ANKRD36C: variants seen among roughly 807,000 people sequenced by gnomAD.
ANKRD36C encodes the protein ankyrin repeat domain 36C.
Under a neutral mutation model 276.4 loss-of-function variants are expected in ANKRD36C, and 61 were observed. That is an observed-to-expected ratio of 0.22 (90% CI 0.18 to 0.27). The LOEUF is 0.27. Among genes scored for constraint, ANKRD36C ranks in the 10% least tolerant of loss-of-function variants. The probability of loss-of-function intolerance (pLI) is 1.00; values close to 1 mark genes in which losing one functional copy is unlikely to be tolerated. For missense variants in ANKRD36C, 1,447 were observed against 2,032.3 expected (o/e 0.71, Z 5.54); for synonymous variants, 483 against 680.1 (o/e 0.71, Z 4.51).
At chr2:95,938,512 C>G (rs1039660451) in intron 22 of ANKRD36C, among the ~76,000 whole-genome samples, 1 of 152,040 alleles carries the variant, frequency 6.6e-6, no homozygotes, top group Non-Finnish European at 1.5e-5. Flanking sequence ...GTATTGCAAT[C>G]AATTTTGAAG....
intron 44 of ANKRD36C, among the ~76,000 whole-genome samples, chr2:95,892,882 G>C (rs1676416090): frequency 6.6e-6 from 1 of 151,246 alleles, no homozygotes; most frequent in East Asian, 2.0e-4. Flanking sequence ...GTAACAAAGA[G>C]GAGTAATGAG....
chr2:95,948,377 C>G (rs75035470), intron 17 of ANKRD36C, among the ~76,000 whole-genome samples, 153 bp downstream of exon 17: 4,819 of 91,880 alleles, frequency 0.052, no homozygotes, highest in Non-Finnish European at 0.06. Context: ...TTAAAATTAA[C>G]CCCCCCTATT....
chr2:95,960,770 T>C lies in ANKRD36C; in HGVS notation c.902-103A>G. On this transcript the variant is annotated intron_variant, in intron 8 of 66. Transcript: ENST00000456556. ...TCAAGCTGTATCCTCCTGCCTGAATTAGCATAGGCTTTGATGTTTTCTACT... is the reference window on the plus strand; with the variant it reads ...TCAAGCTGTATCCTCCTGCCTGAATCAGCATAGGCTTTGATGTTTTCTACT... 12 of 587,972 alleles carry C rather than the reference T, an allele frequency of 2.0e-5. No individual in the cohort carries two copies. The South Asian group carries it at 2.5e-4, about 12-fold the overall frequency. The allele number at this position is 587,972 out of a possible 1,614,324, so 36.4% of individuals were successfully genotyped here.
rs61043155 is a variant in ANKRD36C at position 95,876,853 on chromosome 2, CAAAA to C, written c.3470-348_3470-345del. On this transcript the variant is annotated intron_variant, in intron 58 of 66. Coordinates refer to ENST00000456556, the Ensembl canonical transcript of ANKRD36C. ...TGGGTGGCAGAGCGAGACTGTGTCT[CAAAA>C]AAAAAAAAAAAAAAAAAAGTCTTTC... 4.7e-3 allele frequency among the ~76,000 whole-genome samples: 395 copies of C among 84,130 alleles called. 2 individuals carry two copies. Among genetic ancestry groups the C allele is most frequent in the Non-Finnish European group, 6.2e-3 (266 of 42,978 alleles). The allele number at this position is 84,130 out of a possible 152,430, so 55.2% of individuals were successfully genotyped here. A position where few individuals can be genotyped will look rare whatever the true frequency, so the allele number is the denominator to read the frequency against.
At chr2:95,875,567 T>C (rs1208477580) in intron 59 of ANKRD36C, among the ~76,000 whole-genome samples, 2 of 146,736 alleles carry the variant, frequency 1.4e-5, no homozygotes, top group Non-Finnish European at 3.0e-5. Context: ...CATTAGGAGA[T>C]ATACCTAATG....
chr2:95,893,717 A>G, intron 44 of ANKRD36C: 1 of 1,605,792 alleles, frequency 6.2e-7, no homozygotes, highest in Non-Finnish European at 8.5e-7. Flanking sequence ...GTGGTTTCTG[A>G]GAAGACACTG....
Position 95,891,510 on chromosome 2 carries a change from A to G in ANKRD36C, c.2857+155T>C, listed in dbSNP as rs566376675. On this transcript the variant is annotated intron_variant, in intron 46 of 66. Transcript: ENST00000456556. ...GAAGATCATGTTCCAGAGCAGCAGC[A>G]TCATCATCACCCAAGAACTTATTTG... 2.6e-5 allele frequency among the ~76,000 whole-genome samples: 4 copies of G among 151,106 alleles called. No individual in the cohort carries two copies. In the South Asian group the frequency reaches 8.3e-4, roughly 31 times the overall value.
intron 60 of ANKRD36C, among the ~76,000 whole-genome samples, chr2:95,866,989 C>T (rs71427060): frequency 6.6e-6 from 1 of 152,098 alleles, no homozygotes; most frequent in African/African-American, 2.4e-5. Context: ...GAAATCCATA[C>T]CTTATAGCAA....
At chr2:95,957,941 G>T (rs1456981103) in intron 12 of ANKRD36C, among the ~76,000 whole-genome samples, 1 of 152,028 alleles carries the variant, frequency 6.6e-6, no homozygotes, top group Non-Finnish European at 1.5e-5. Flanking sequence ...AGGGGTAACA[G>T]GTGACTGTGG....
exon 63 of ANKRD36C, chr2:95,855,510 C>T: frequency 8.1e-6 from 13 of 1,611,574 alleles, no homozygotes; most frequent in Non-Finnish European, 1.0e-5. Context: ...TTTTAGTTGA[C>T]AAAATCTTTC....
intron 56 of ANKRD36C, among the ~76,000 whole-genome samples, chr2:95,880,939 A>T (rs2104323057): frequency 6.6e-6 from 1 of 152,376 alleles, no homozygotes; most frequent in African/African-American, 2.4e-5. Flanking sequence ...CAGAGGAGCA[A>T]GTCATAACCC....
chr2:95,867,370 G>C (rs1675704778), intron 60 of ANKRD36C, 70 bp downstream of exon 80: 1 of 606,364 alleles, frequency 1.6e-6, no homozygotes, highest in Admixed American at 2.9e-5. Context: ...CTATGGTACA[G>C]TGTTAAGCAA....
chr2:95,983,161 G>T (rs2104538926), intron 3 of ANKRD36C, among the ~76,000 whole-genome samples: 1 of 151,236 alleles, frequency 6.6e-6, no homozygotes, highest in East Asian at 2.0e-4. Context: ...TGTCACCTGA[G>T]ATTCTGACAC....
chr2:95,890,823 T>C (rs1676330970), intron 46 of ANKRD36C, among the ~76,000 whole-genome samples: 1 of 151,584 alleles, frequency 6.6e-6, no homozygotes. Context: ...TTCAACATCA[T>C]TTTTGTTTCT....
intron 19 of ANKRD36C, among the ~76,000 whole-genome samples, chr2:95,944,151 T>C (rs1677971109): frequency 2.0e-5 from 3 of 152,216 alleles, no homozygotes; most frequent in African/African-American, 7.2e-5. Flanking sequence ...TTCTATAATA[T>C]GATATGGAGA....
chr2:95,964,322 C>T (rs1222310093), intron 6 of ANKRD36C, among the ~76,000 whole-genome samples: 17 of 151,768 alleles, frequency 1.1e-4, no homozygotes, highest in Admixed American at 2.6e-4. Flanking sequence ...TTCTAACTTC[C>T]ACTTTCCATT....
intron 59 of ANKRD36C, among the ~76,000 whole-genome samples, chr2:95,869,767 G>C (rs1181877524): frequency 2.0e-5 from 3 of 152,210 alleles, no homozygotes; most frequent in Non-Finnish European, 2.9e-5. Flanking sequence ...GTCAAAGAAA[G>C]GGGTGACAGA....
chr2:95,916,851 A>C (rs1558638897), intron 36 of ANKRD36C, among the ~76,000 whole-genome samples: 1 of 151,648 alleles, frequency 6.6e-6, no homozygotes, highest in Non-Finnish European at 1.5e-5. Flanking sequence ...AATATTTTAG[A>C]CTCGATAAAA....
intron 50 of ANKRD36C, among the ~76,000 whole-genome samples, chr2:95,886,858 TTCTC>T (rs1676214348): frequency 6.6e-6 from 1 of 151,666 alleles, no homozygotes; most frequent in African/African-American, 2.4e-5. Context: ...GCTTCTTGTA[TTCTC>T]TAGTTTAGCC....
Sources: gnomAD v4.1 joint callset for allele counts (sites outside exome capture counted in the v4.1 genomes callset) on GRCh38, gnomAD v4.1.1 for gene constraint, MANE v1.5 for transcripts, NCBI Gene and HGNC (gene_info 2026-07-23, HGNC 2026-07-21) for gene names.